The following MTERF2 variants were observed in gnomAD, a reference collection of about 807,000 sequenced individuals.
MTERF2 encodes the protein transcription termination factor 2, mitochondrial.
In MTERF2, 23 loss-of-function variants were observed where a neutral mutation model predicts 29.2. That is an observed-to-expected ratio of 0.79 (90% CI 0.57 to 1.12). MTERF2 has a LOEUF of 1.12. Among genes scored for constraint, MTERF2 ranks in the 50% most tolerant of loss-of-function variants. The pLI, the probability that MTERF2 is intolerant of heterozygous loss-of-function variation, is 0.00. For missense variants in MTERF2, 440 were observed against 429.4 expected (o/e 1.02, Z -0.22); for synonymous variants, 157 against 159.5 (o/e 0.98, Z 0.12).
intron 2 of MTERF2, among the ~76,000 whole-genome samples, chr12:106,982,867 C>T (rs1952068344): frequency 6.6e-6 from 1 of 152,178 alleles, no homozygotes; most frequent in Admixed American, 6.5e-5. Context: ...GAGTGATTCT[C>T]TCATCAGTTT....
In MTERF2 at chr12:106,987,008, G is replaced by C. The variant is rs1952126356; in HGVS notation, c.-208C>G. 6.6e-6 allele frequency: 1 copy of C among 152,402 alleles called. No homozygotes were observed. The highest frequency in any genetic ancestry group is 1.5e-5 in the Non-Finnish European group (1 of 68,190). 9.4% of individuals were successfully genotyped at this position (152,402 alleles called of 1,614,324 possible). A position where few individuals can be genotyped will look rare whatever the true frequency, so the allele number is the denominator to read the frequency against. The stretch of plus-strand genomic sequence containing the variant: ...TCCAAGCAAGGCACAGGGAGTCCCG[G>C]GGGCCAGGCCCCGTCCTTCCCTCTC... On this transcript the variant is annotated 5_prime_UTR_variant, in exon 1 of 3. Coordinates refer to ENST00000240050, the MANE Select transcript of MTERF2 (RefSeq NM_001033050.3).
intron 2 of MTERF2, among the ~76,000 whole-genome samples, chr12:106,981,709 C>A (rs997653448): frequency 2.6e-5 from 4 of 152,020 alleles, no homozygotes; most frequent in African/African-American, 9.7e-5. Flanking sequence ...TTTGTAGAGA[C>A]AGGGTTTTGC....
chr12:106,980,551 G>C (rs529139836), intron 2 of MTERF2: 1 of 152,300 alleles, frequency 6.6e-6, no homozygotes, highest in East Asian at 1.9e-4. Flanking sequence ...TATGTCAAAA[G>C]TGGTATAATG....
At chr12:106,980,650 C>T (rs2136794705) in intron 2 of MTERF2, 1 of 152,290 alleles carries the variant, frequency 6.6e-6, no homozygotes, top group Non-Finnish European at 1.5e-5. Context: ...CTCAGCCTTG[C>T]CACAAAAGTG....
chr12:106,981,791 G>T (rs1952055375), intron 2 of MTERF2, among the ~76,000 whole-genome samples: 1 of 152,176 alleles, frequency 6.6e-6, no homozygotes, highest in Admixed American at 6.5e-5. Context: ...AAAATGTTGG[G>T]ATTACAGGTG....
intron 1 of MTERF2, chr12:106,986,171 T>G (rs1003793494): frequency 1.3e-5 from 2 of 152,160 alleles, no homozygotes. Flanking sequence ...GGTACATTAA[T>G]GCAGTGGGTA....
chr12:106,984,086 T>C (rs1952082801), intron 2 of MTERF2, among the ~76,000 whole-genome samples: 1 of 149,746 alleles, frequency 6.7e-6, no homozygotes, highest in Non-Finnish European at 1.5e-5. Context: ...CTTCACAGCT[T>C]TCATTATCCA....
rs1428838930 is a variant in MTERF2, at chr12:106,978,679, G to A, written c.36C>T (p.Cys12=). 3.1e-6 allele frequency: 5 copies of A among 1,614,064 alleles called. No homozygotes were observed. Among genetic ancestry groups the A allele is most frequent in the Non-Finnish European group, 4.2e-6 (5 of 1,179,978 alleles). Residue 12 remains cysteine (C), a synonymous_variant, in exon 3 of 3, where the codon TGC becomes TGT. Coordinates refer to ENST00000240050, the MANE Select transcript of MTERF2 (RefSeq NM_001033050.3). ...GCATCTTTCTGAAAGAACACAGCCT[G>A]CAGGACTGGGATCTCAGCAGCAGCT... is the stretch of plus-strand genomic sequence containing the variant. ...LWKLLLRSQS[C]RLCSFRKMRS...
rs892855003 is a variant in MTERF2, at chr12:106,985,143, C to G, written c.-86G>C. ...ACAGTCTCTCCCCACAGATCTTGTC[C>G]TCATCCAGATATTCAGTTCATCCAC... On this transcript the variant is annotated 5_prime_UTR_variant, in exon 2 of 3. Coordinates refer to ENST00000240050, the MANE Select transcript of MTERF2 (RefSeq NM_001033050.3). The G allele has an allele frequency of 1.3e-5, 2 of 152,336 alleles. No individual in the cohort carries two copies. Among genetic ancestry groups the G allele is most frequent in the Admixed American group, 6.5e-5 (1 of 15,280 alleles). The allele number at this position is 152,336 out of a possible 1,614,324, so 9.4% of individuals were successfully genotyped here.
intron 2 of MTERF2, among the ~76,000 whole-genome samples, chr12:106,980,452 T>C (rs1267336981): frequency 6.6e-6 from 1 of 152,196 alleles, no homozygotes; most frequent in Non-Finnish European, 1.5e-5. Context: ...AGGGTGTCTT[T>C]CACATGGGAA....
At chr12:106,983,756 A>G (rs1952078549) in intron 2 of MTERF2, among the ~76,000 whole-genome samples, 1 of 152,088 alleles carries the variant, frequency 6.6e-6, no homozygotes, top group Non-Finnish European at 1.5e-5. Context: ...CTCCTTTATC[A>G]TATGTTAAAT....
At position 106,977,925 on chromosome 12, in the gene MTERF2, G is replaced by A; in HGVS notation, c.790C>T (p.Gln264Ter). The A allele has an allele frequency of 6.2e-7, 1 of 1,614,124 alleles. No homozygotes were observed. Among genetic ancestry groups the A allele is most frequent in the Non-Finnish European group, 8.5e-7 (1 of 1,180,002 alleles). ...TTTTTAGAGAAGGAAATACTATTCT[G>A]TATACTTCTTGGGCAAAGTTGAAAA... Reference protein sequence around the residue: ...FLFQLCPRSIQNSISFSKNAF... With the variant: ...FLFQLCPRSI Residue 264 changes from glutamine (Q) to a stop codon, truncating the protein, a stop_gained, in exon 3 of 3, where the codon CAG (glutamine) becomes TAG (stop). Transcript: ENST00000240050. LOFTEE classifies it high-confidence loss of function.
intron 2 of MTERF2, among the ~76,000 whole-genome samples, 193 bp from the exon 3 acceptor site, chr12:106,978,964 A>C (rs1458537533): frequency 6.6e-6 from 1 of 152,058 alleles, no homozygotes; most frequent in Non-Finnish European, 1.5e-5. Flanking sequence ...GGTTGCAGTG[A>C]GCTGAGATTG....
At chr12:106,983,743 T>G (rs917461908) in intron 2 of MTERF2, among the ~76,000 whole-genome samples, 4 of 152,236 alleles carry the variant, frequency 2.6e-5, no homozygotes, top group Non-Finnish European at 4.4e-5. Context: ...TGACTTATGA[T>G]GCCTCCTTTA....
intron 2 of MTERF2, among the ~76,000 whole-genome samples, chr12:106,979,668 T>C (rs1157175994): frequency 6.6e-6 from 1 of 152,128 alleles, no homozygotes; most frequent in East Asian, 1.9e-4. Context: ...GTTCCCGTGG[T>C]GCCATGGGAA....
At chr12:106,984,383 A>G (rs1337486378) in intron 2 of MTERF2, among the ~76,000 whole-genome samples, 1 of 152,194 alleles carries the variant, frequency 6.6e-6, no homozygotes, top group Non-Finnish European at 1.5e-5. Flanking sequence ...TGCGATAAAG[A>G]TAACTTTCAT....
At position 106,977,388 on chromosome 12, in the gene MTERF2, T is replaced by C. The variant is rs1951994528; in HGVS notation, c.*169A>G. 1 of 466,808 alleles carries C rather than the reference T, an allele frequency of 2.1e-6. No individual in the cohort carries two copies. Among genetic ancestry groups the C allele is most frequent in the Admixed American group, 4.9e-5 (1 of 20,342 alleles). 28.9% of individuals were successfully genotyped at this position (466,808 alleles called of 1,614,324 possible). On this transcript the variant is annotated 3_prime_UTR_variant, in exon 3 of 3. Transcript: ENST00000240050. ...ATTAAAATAAATATGATTTATATTT[T>C]ATAATATGGCACATGAGTCAGAATT...
chr12:106,978,384 C>G lies in MTERF2; in HGVS notation c.331G>C (p.Ala111Pro). The change falls in exon 3 of 3, where the codon GCT becomes CCT. Residue 111 changes from alanine to proline, a missense_variant. Physicochemically the swap from Ala to Pro is conservative, Grantham distance 27. Coordinates refer to ENST00000240050, the MANE Select transcript of MTERF2 (RefSeq NM_001033050.3). Reference protein sequence around the residue: ...CPEAIVCSPTAVNTQRKLWQL... With the variant: ...CPEAIVCSPTPVNTQRKLWQL... The stretch of plus-strand genomic sequence containing the variant: ...CAGAGTTTTCTCTGGGTGTTAACAG[C>G]GGTTGGACTACAGACAATTGCTTCC... 1 of 1,614,176 alleles carries G rather than the reference C, an allele frequency of 6.2e-7. No homozygotes were observed. Among genetic ancestry groups the G allele is most frequent in the East Asian group, 2.2e-5 (1 of 44,892 alleles).
rs766395097 is a variant in MTERF2, at chr12:106,978,237, C to T, written c.478G>A (p.Gly160Arg). 4 of 1,613,480 alleles carry T rather than the reference C, an allele frequency of 2.5e-6. No homozygotes were observed. The East Asian group carries it at 8.9e-5, about 36-fold the overall frequency. ...CTGCTAATGACCACATTTTTTAGTC[C>T]CAACTCTTGAAAGAACTGAACATTC... ...KLNVQFFQEL[G>R]LKNVVISRLL... is the part of the protein sequence containing the mutation. Residue 160 changes from glycine (G) to arginine (R), a missense_variant, in exon 3 of 3, where the codon GGA becomes AGA. Gly to Arg is a moderately radical substitution (Grantham distance 125). Transcript: ENST00000240050.
Sources: allele counts gnomAD v4.1 joint callset (sites outside exome capture counted in the v4.1 genomes callset), GRCh38; gene constraint gnomAD v4.1.1; transcripts MANE v1.5; gene names NCBI Gene and HGNC (gene_info 2026-07-23, HGNC 2026-07-21).